The following GPC5 variants were observed in gnomAD, a reference collection of about 807,000 sequenced individuals.
The protein encoded by GPC5 is glypican-5.
Under a neutral mutation model 53.9 loss-of-function variants are expected in GPC5, and 47 were observed. The observed-to-expected ratio is 0.87, with a 90% CI of 0.69 to 1.11. The LOEUF is 1.11. Among genes scored for constraint, GPC5 ranks in the 50% most tolerant of loss-of-function variants. GPC5 has a pLI of 0.00. For missense variants in GPC5, 748 were observed against 713.1 expected, an observed-to-expected ratio of 1.05 and a Z score of -0.56; for synonymous variants, 286 against 263.3, an observed-to-expected ratio of 1.09 and a Z score of -0.84.
At chr13:91,684,631 A>G (rs1174171526) in intron 2 of GPC5, among the ~76,000 whole-genome samples, 2 of 152,188 alleles carry the variant, frequency 1.3e-5, no homozygotes, top group East Asian at 3.9e-4. Flanking sequence ...CCCAGCAATG[A>G]CTGTCACCCA....
chr13:92,863,740 G>C (rs916235775), intron 7 of GPC5, among the ~76,000 whole-genome samples: 1 of 152,116 alleles, frequency 6.6e-6, no homozygotes, highest in African/African-American at 2.4e-5. Flanking sequence ...TGATCTGCCT[G>C]CATCAGCCTC....
chr13:92,663,641 CTA>C (rs1045343972), intron 7 of GPC5, among the ~76,000 whole-genome samples: 1 of 137,590 alleles, frequency 7.3e-6, no homozygotes, highest in Non-Finnish European at 1.5e-5. Context: ...TATATACACA[CTA>C]TATATATACT....
At chr13:91,472,931 T>C (rs911469777) in intron 2 of GPC5, among the ~76,000 whole-genome samples, 7 of 152,200 alleles carry the variant, frequency 4.6e-5, no homozygotes, top group Middle Eastern at 3.2e-3. Flanking sequence ...AGGTCTGAAT[T>C]AGTCCATTTT....
chr13:92,739,441 T>C (rs1339632746), intron 7 of GPC5, among the ~76,000 whole-genome samples: 2 of 152,100 alleles, frequency 1.3e-5, no homozygotes, highest in East Asian at 3.9e-4. Context: ...AGGCACAGAA[T>C]TGTAAACATG....
At chr13:92,742,029 C>G (rs959475214) in intron 7 of GPC5, among the ~76,000 whole-genome samples, 1 of 151,756 alleles carries the variant, frequency 6.6e-6, no homozygotes, top group Non-Finnish European at 1.5e-5. Context: ...ATTGTGAATA[C>G]TGCCACAATA....
At chr13:91,607,442 A>G (rs1566548072) in intron 2 of GPC5, among the ~76,000 whole-genome samples, 1 of 152,162 alleles carries the variant, frequency 6.6e-6, no homozygotes, top group Admixed American at 6.6e-5. Context: ...TTTTCCTATC[A>G]AAAGGGAACA....
intron 6 of GPC5, among the ~76,000 whole-genome samples, chr13:91,931,439 A>G (rs1193303473): frequency 6.6e-6 from 1 of 152,042 alleles, no homozygotes; most frequent in African/African-American, 2.4e-5. Flanking sequence ...TAAAATTTTT[A>G]TCTGCTTAAC....
rs962560665 is a variant in GPC5, at chr13:92,112,171, C to T, written c.1402-32659C>T. Among the ~76,000 whole-genome samples, 8 of 152,090 alleles carry T rather than the reference C, an allele frequency of 5.3e-5. 1 individual carries two copies. In the Middle Eastern group the frequency reaches 0.01, roughly 195 times the overall value. ...CAATTAGTTTTCTCTGAAGAGCATC[C>T]AGGGGTTCAAAGAGTTAGAGAATTT... On this transcript the variant is annotated intron_variant, in intron 6 of 7. Transcript: ENST00000377067.
At chr13:92,731,929 G>A (rs1888816639) in intron 7 of GPC5, among the ~76,000 whole-genome samples, 1 of 151,536 alleles carries the variant, frequency 6.6e-6, no homozygotes, top group Non-Finnish European at 1.5e-5. Context: ...GAAATTATCA[G>A]ATGAAAGAGG....
intron 6 of GPC5, among the ~76,000 whole-genome samples, chr13:91,954,156 A>G (rs758070994): frequency 1.4e-4 from 21 of 152,200 alleles, no homozygotes; most frequent in Non-Finnish European, 2.6e-4. Flanking sequence ...TTTTGCAACC[A>G]TTTTAGGAAG....
In GPC5 at chr13:91,785,335, T is replaced by C. The variant is rs111998568; in HGVS notation, c.1280+28915T>C. 9.8e-3 allele frequency among the ~76,000 whole-genome samples: 1,485 copies of C among 152,276 alleles called. 20 individuals are homozygous for C. Among genetic ancestry groups the C allele is most frequent in the African/African-American group, 0.034 (1,424 of 41,544 alleles). On this transcript the variant is annotated intron_variant, in intron 5 of 7. Transcript: ENST00000377067. The stretch of plus-strand genomic sequence containing the variant: ...TCTCTAATAGCCTCTACCTATTAGA[T>C]GCCACTAGTAATTCATTCCCCGATT...
chr13:92,182,693 C>T (rs1161808102), intron 7 of GPC5, among the ~76,000 whole-genome samples: 1 of 150,822 alleles, frequency 6.6e-6, no homozygotes, highest in African/African-American at 2.5e-5. Context: ...GGTGAAACAC[C>T]GTCTCTACTA....
chr13:92,152,148 C>A (rs2041911807), intron 7 of GPC5, among the ~76,000 whole-genome samples: 1 of 152,090 alleles, frequency 6.6e-6, no homozygotes, highest in African/African-American at 2.4e-5. Flanking sequence ...TTTGAATACA[C>A]AAGTGGAGTT....
intron 6 of GPC5, among the ~76,000 whole-genome samples, chr13:91,977,320 T>G (rs1298635387): frequency 6.6e-6 from 1 of 152,194 alleles, no homozygotes; most frequent in Non-Finnish European, 1.5e-5. Flanking sequence ...AAATCAATGC[T>G]TAGTAATGAG....
chr13:91,439,522 A>G (rs1432156200), intron 1 of GPC5, among the ~76,000 whole-genome samples: 2 of 152,230 alleles, frequency 1.3e-5, no homozygotes, highest in Non-Finnish European at 2.9e-5. Flanking sequence ...CCAAACTTGC[A>G]TATTCAAATA....
chr13:91,766,982 G>A (rs1398256905), intron 5 of GPC5, among the ~76,000 whole-genome samples: 6 of 152,152 alleles, frequency 3.9e-5, no homozygotes, highest in Admixed American at 6.5e-5. Flanking sequence ...TCATGTTATT[G>A]TTAAATAAAA....
chr13:91,796,541 A>G (rs976608244), intron 5 of GPC5, among the ~76,000 whole-genome samples: 49 of 152,174 alleles, frequency 3.2e-4, no homozygotes, highest in African/African-American at 1.2e-3. Flanking sequence ...CTCTCAGGCA[A>G]TAGATGATTT....
chr13:91,876,667 A>G (rs2039206045), intron 5 of GPC5, among the ~76,000 whole-genome samples: 1 of 152,220 alleles, frequency 6.6e-6, no homozygotes, highest in East Asian at 1.9e-4. Flanking sequence ...CAGAACATAA[A>G]TGTTTGGAAA....
chr13:92,759,495 T>C (rs1875070176), intron 7 of GPC5, among the ~76,000 whole-genome samples: 1 of 152,112 alleles, frequency 6.6e-6, no homozygotes, highest in South Asian at 2.1e-4. Flanking sequence ...TGAGATTGTT[T>C]TCTTGATTTG....
Sources: gnomAD v4.1 joint callset for allele counts (sites outside exome capture counted in the v4.1 genomes callset) on GRCh38, gnomAD v4.1.1 for gene constraint, MANE v1.5 for transcripts, NCBI Gene and HGNC (gene_info 2026-07-23, HGNC 2026-07-21) for gene names.